The following KIAA0513 variants were observed in gnomAD, a reference collection of about 807,000 sequenced individuals.
KIAA0513 encodes the protein uncharacterized protein KIAA0513.
A neutral mutation model predicts 56.5 loss-of-function variants in KIAA0513; 39 were observed. The ratio of observed to expected loss-of-function variants is 0.69; its 90% CI spans 0.53 to 0.90. The LOEUF is 0.90. Ranked by LOEUF, KIAA0513 falls within the 40% of genes least tolerant of loss-of-function variation. KIAA0513 has a pLI of 0.00. For synonymous variants in KIAA0513, 268 were observed against 215.6 expected, an observed-to-expected ratio of 1.24 and a Z score of -2.13; for missense variants, 591 against 535.2, an observed-to-expected ratio of 1.10 and a Z score of -1.03.
intron 4 of KIAA0513, among the ~76,000 whole-genome samples, chr16:85,073,949 T>TC (rs553033031): frequency 7.2e-6 from 1 of 139,596 alleles, no homozygotes; most frequent in African/African-American, 2.6e-5. Flanking sequence ...TCTTGTGTCG[T>TC]TTTTTTTGTT....
At chr16:85,087,193 G>A (rs757039494) in intron 12 of KIAA0513, 27 bp downstream of exon 12, 2 of 1,587,572 alleles carry the variant, frequency 1.3e-6, no homozygotes, top group Non-Finnish European at 8.7e-7. Flanking sequence ...CTGCTGGCAG[G>A]AGGCGGGCAG....
intron 1 of KIAA0513, among the ~76,000 whole-genome samples, chr16:85,052,107 G>A (rs1384988898): frequency 1.3e-5 from 2 of 152,088 alleles, no homozygotes; most frequent in Non-Finnish European, 2.9e-5. Flanking sequence ...AGATCACGAG[G>A]TCAACAGATC....
chr16:85,050,359 A>ATTTTTTTTTT (rs869120787), intron 1 of KIAA0513, among the ~76,000 whole-genome samples: 1 of 65,638 alleles, frequency 1.5e-5, no homozygotes, highest in Non-Finnish European at 3.7e-5. Flanking sequence ...TTATTTATTT[A>ATTTTTTTTTT]TTTTTTTTGA....
intron 1 of KIAA0513, among the ~76,000 whole-genome samples, chr16:85,060,373 G>A (rs1018852523): frequency 6.6e-6 from 1 of 152,158 alleles, no homozygotes; most frequent in Non-Finnish European, 1.5e-5. Flanking sequence ...CGGTGGAGAG[G>A]AGGGAACTTC....
At chr16:85,086,749 G>A (rs376265445) in intron 11 of KIAA0513, 25 bp downstream of exon 11, 4 of 1,587,290 alleles carry the variant, frequency 2.5e-6, no homozygotes, top group Non-Finnish European at 3.4e-6. Context: ...GGGAAAGCGG[G>A]AGGGGAGAGG....
Position 85,076,352 on chromosome 16 carries a change from G to T in KIAA0513, c.574+438G>T, listed in dbSNP as rs1433031404. On this transcript the variant is annotated intron_variant, in intron 5 of 12. Transcript: ENST00000683363. The surrounding 1 kb of genome is among the most constrained non-coding windows in gnomAD (Gnocchi z 4.7). ...GAAGCTGCAGAGAGTTCCCAGGGAT[G>T]GGCTGGAGATGGCTTATGAGGAGTG... is the stretch of plus-strand genomic sequence containing the variant. Among the ~76,000 whole-genome samples the T allele has an allele frequency of 1.3e-5, 2 of 152,196 alleles. No homozygotes were observed. Among genetic ancestry groups the T allele is most frequent in the Non-Finnish European group, 2.9e-5 (2 of 68,032 alleles).
In KIAA0513 at chr16:85,033,689, A is replaced by C. The variant is rs558438792; in HGVS notation, c.-173+5831A>C. ...GGTGGGGGCAGGGATGGGGGAGGGT[A>C]GAGCAGGACCGTCGCCAGCTGACTT... On this transcript the variant is annotated intron_variant, in intron 1 of 12. Transcript: ENST00000683363. Among the ~76,000 whole-genome samples the C allele has an allele frequency of 5.9e-5, 9 of 152,240 alleles. No individual in the cohort carries two copies. The East Asian group carries it at 1.6e-3, about 26-fold the overall frequency.
chr16:85,067,452 G>A, intron 2 of KIAA0513, 52 bp downstream of exon 2: 2 of 1,409,562 alleles, frequency 1.4e-6, no homozygotes, highest in South Asian at 2.6e-5. Context: ...GGGCCCAAGG[G>A]GACTCGCCTC....
At chr16:85,046,251 T>G (rs1433718882) in intron 1 of KIAA0513, among the ~76,000 whole-genome samples, 1 of 152,204 alleles carries the variant, frequency 6.6e-6, no homozygotes, top group Non-Finnish European at 1.5e-5. Flanking sequence ...ACATGGCTAT[T>G]CTCTTAGCAG....
In KIAA0513 at chr16:85,091,449, A is replaced by G. The variant is rs999478955; in HGVS notation, c.*3124A>G. ...AGACTGTATGATTTTCCTATTGCCA[A>G]AAGAAAGAAAGGGGGCCAAACAGCT... On this transcript the variant is annotated 3_prime_UTR_variant, in exon 13 of 13. Coordinates refer to ENST00000683363, the MANE Select transcript of KIAA0513 (RefSeq NM_001388359.1). 1 of 152,172 alleles carries G rather than the reference A, an allele frequency of 6.6e-6. No individual in the cohort carries two copies. Among genetic ancestry groups the G allele is most frequent in the Non-Finnish European group, 1.5e-5 (1 of 68,048 alleles). The allele number at this position is 152,172 out of a possible 1,614,324, so 9.4% of individuals were successfully genotyped here.
chr16:85,076,110 G>A lies in KIAA0513; in HGVS notation c.574+196G>A, dbSNP rs558043879. ...ATGGGGCAGGAGGTTGACTGCCCAG[G>A]GTACGAAGGAAACTCTCCTGGGGCA... On this transcript the variant is annotated intron_variant, in intron 5 of 12. Coordinates refer to ENST00000683363, the MANE Select transcript of KIAA0513 (RefSeq NM_001388359.1). The surrounding 1 kb of genome is among the most constrained non-coding windows in gnomAD (Gnocchi z 4.7). Among the ~76,000 whole-genome samples the A allele has an allele frequency of 9.3e-5, 14 of 151,048 alleles. No homozygotes were observed. The East Asian group carries it at 2.5e-3, about 27-fold the overall frequency.
chr16:85,059,865 A>G (rs569288200), intron 1 of KIAA0513, among the ~76,000 whole-genome samples: 2 of 152,144 alleles, frequency 1.3e-5, no homozygotes, highest in Non-Finnish European at 2.9e-5. Flanking sequence ...TGATAATCCT[A>G]CTGATTAGGG....
chr16:85,075,707 G>T (rs781336613), intron 4 of KIAA0513, 137 bp from the exon 5 acceptor site: 63 of 710,728 alleles, frequency 8.9e-5, no homozygotes, highest in Middle Eastern at 3.7e-4. Context: ...GGAACTTGGG[G>T]AGATTGTTTT....
In KIAA0513 at chr16:85,039,841, C is replaced by CTT. The variant is rs371739572; in HGVS notation, c.-173+11994_-173+11995dup. 3.8e-3 allele frequency among the ~76,000 whole-genome samples: 541 copies of CTT among 143,556 alleles called. 2 individuals are homozygous for CTT. The highest frequency in any genetic ancestry group is 4.4e-3 in the African/African-American group (171 of 39,256). The allele number at this position is 143,556 out of a possible 152,430, so 94.2% of individuals were successfully genotyped here. On this transcript the variant is annotated intron_variant, in intron 1 of 12. Transcript: ENST00000683363. ...ACCAAAGAAAGAAAGGTTTTCTTTT[C>CTT]TTTTTTTTTTTTGAGGTGGCTCTCA...
chr16:85,052,454 A>G (rs1309571343), intron 1 of KIAA0513, among the ~76,000 whole-genome samples: 1 of 152,152 alleles, frequency 6.6e-6, no homozygotes, highest in African/African-American at 2.4e-5. Flanking sequence ...CGAGGTTCCC[A>G]GGTTCCATTG....
intron 1 of KIAA0513, among the ~76,000 whole-genome samples, chr16:85,061,130 C>A (rs1052907858): frequency 6.6e-6 from 1 of 151,346 alleles, no homozygotes; most frequent in African/African-American, 2.4e-5. Flanking sequence ...TCCATCCAGC[C>A]TGGGCGACAG....
rs2073501408 is a variant in KIAA0513, at chr16:85,067,347, C to T, written c.276C>T (p.Thr92=). ...CCGAGTCTACCCAGGATGAAGAGACCCTGGCACTCAGGGACTTCATGCGTG... is the reference window on the plus strand; with the variant it reads ...CCGAGTCTACCCAGGATGAAGAGACTCTGGCACTCAGGGACTTCATGCGTG... ...QSTESTQDEE[T]LALRDFMRGY... The change falls in exon 2 of 13, where the codon ACC becomes ACT. Residue 92 remains threonine, a synonymous_variant. Coordinates refer to ENST00000683363, the MANE Select transcript of KIAA0513 (RefSeq NM_001388359.1). 2 of 1,610,392 alleles carry T rather than the reference C, an allele frequency of 1.2e-6. No individual in the cohort carries two copies. Among genetic ancestry groups the T allele is most frequent in the Non-Finnish European group, 1.7e-6 (2 of 1,179,996 alleles).
At position 85,067,211 on chromosome 16, in the gene KIAA0513, C is replaced by T; in HGVS notation, c.140C>T (p.Thr47Ile). Reference sequence around the variant, plus strand: ...GGGGACGGTGCATCAGAGAGTGAGACCACTGAGTCTGCGGACAGTGAGAAT... The same window carrying T: ...GGGGACGGTGCATCAGAGAGTGAGATCACTGAGTCTGCGGACAGTGAGAAT... ...SLGDGASESE[T>I]TESADSENDM... The change falls in exon 2 of 13, where the codon ACC (threonine) becomes ATC (isoleucine). Residue 47 changes from threonine (T) to isoleucine (I), a missense_variant. Physicochemically the swap from Thr to Ile is moderately conservative, Grantham distance 89. Coordinates refer to ENST00000683363, the MANE Select transcript of KIAA0513 (RefSeq NM_001388359.1). 4 of 1,614,154 alleles carry T rather than the reference C, an allele frequency of 2.5e-6. No homozygotes were observed. Among genetic ancestry groups the T allele is most frequent in the Admixed American group, 1.7e-5 (1 of 60,014 alleles).
intron 1 of KIAA0513, among the ~76,000 whole-genome samples, chr16:85,032,197 C>T (rs902370867): frequency 6.6e-6 from 1 of 152,238 alleles, no homozygotes; most frequent in Non-Finnish European, 1.5e-5. Context: ...TGCATCACCC[C>T]AGGGTCTGCC....
Sources: allele counts gnomAD v4.1 joint callset (sites outside exome capture counted in the v4.1 genomes callset), GRCh38; gene constraint gnomAD v4.1.1; non-coding constraint Gnocchi (gnomAD v3.1); transcripts MANE v1.5; gene names NCBI Gene and HGNC (gene_info 2026-07-23, HGNC 2026-07-21).